Variants in TSHZ2 observed in about 807,000 individuals in gnomAD.
The protein encoded by TSHZ2 is teashirt homolog 2.
In TSHZ2, 21 loss-of-function variants were observed where a neutral mutation model predicts 74.4. That is an observed-to-expected ratio of 0.28 (90% CI 0.20 to 0.41). TSHZ2 has a LOEUF of 0.41. TSHZ2 is among the 10% of genes least tolerant of loss of function. TSHZ2 has a pLI of 1.00. For missense variants in TSHZ2, 1,244 were observed against 1,293.5 expected, an observed-to-expected ratio of 0.96 and a Z score of 0.59; for synonymous variants, 540 against 515.3, an observed-to-expected ratio of 1.05 and a Z score of -0.65.
chr20:53,319,475 G>A (rs529987078), intron 2 of TSHZ2, among the ~76,000 whole-genome samples: 20 of 152,334 alleles, frequency 1.3e-4, no homozygotes, highest in African/African-American at 3.4e-4. Flanking sequence ...GAGTCTGGCC[G>A]TTAACCACTA....
At chr20:53,386,592 G>T (rs1415202610) in intron 2 of TSHZ2, among the ~76,000 whole-genome samples, 1 of 152,204 alleles carries the variant, frequency 6.6e-6, no homozygotes, top group African/African-American at 2.4e-5. Flanking sequence ...ATGTTTCACT[G>T]CTGCAGGTTG....
intron 2 of TSHZ2, among the ~76,000 whole-genome samples, chr20:53,300,737 C>A (rs1481526759): frequency 6.6e-6 from 1 of 152,070 alleles, no homozygotes; most frequent in African/African-American, 2.4e-5. Flanking sequence ...ACTCCAGTTT[C>A]AAATATGTTT....
intron 1 of TSHZ2, among the ~76,000 whole-genome samples, chr20:52,977,280 G>A (rs1264606884): frequency 6.6e-6 from 1 of 152,044 alleles, no homozygotes; most frequent in African/African-American, 2.4e-5. Context: ...CTAGGAATCG[G>A]GTAGATTTGG....
intron 1 of TSHZ2, among the ~76,000 whole-genome samples, chr20:53,077,825 C>T (rs1985414487): frequency 6.6e-6 from 1 of 152,200 alleles, no homozygotes. Context: ...AACAAATTTC[C>T]TGATAGTCAC....
intron 2 of TSHZ2, among the ~76,000 whole-genome samples, chr20:53,370,306 C>G (rs552989790): frequency 2.6e-5 from 4 of 152,178 alleles, no homozygotes; most frequent in Non-Finnish European, 5.9e-5. Context: ...TGGGGAGCTG[C>G]TCTGGGCAGG....
At chr20:53,336,388 T>C (rs1463082838) in intron 2 of TSHZ2, among the ~76,000 whole-genome samples, 1 of 152,218 alleles carries the variant, frequency 6.6e-6, no homozygotes, top group Non-Finnish European at 1.5e-5. Flanking sequence ...CTGTAGCTAG[T>C]ATATTTTATT....
intron 1 of TSHZ2, among the ~76,000 whole-genome samples, chr20:53,021,820 G>A (rs1983257812): frequency 6.6e-6 from 1 of 152,166 alleles, no homozygotes; most frequent in Admixed American, 6.5e-5. Flanking sequence ...TAACACTGAT[G>A]TATCCAGATA....
chr20:53,389,842 G>A (rs1300203334), intron 2 of TSHZ2, among the ~76,000 whole-genome samples: 1 of 152,206 alleles, frequency 6.6e-6, no homozygotes, highest in East Asian at 1.9e-4. Context: ...CAATGCCTGG[G>A]ACTATCCCCG....
At chr20:53,056,983 G>A (rs1305129898) in intron 1 of TSHZ2, among the ~76,000 whole-genome samples, 1 of 152,144 alleles carries the variant, frequency 6.6e-6, no homozygotes, top group East Asian at 1.9e-4. Flanking sequence ...GTCGTGGGAG[G>A]GACCTGGTGG....
chr20:53,031,205 G>T (rs2123062844), intron 1 of TSHZ2, among the ~76,000 whole-genome samples: 1 of 152,240 alleles, frequency 6.6e-6, no homozygotes, highest in East Asian at 1.9e-4. Context: ...CACATAAAGG[G>T]CTTGCTTAAT....
chr20:53,255,399 G>C lies in TSHZ2; in HGVS notation c.1941G>C (p.Glu647Asp). The C allele has an allele frequency of 6.2e-7, 1 of 1,613,832 alleles. No homozygotes were observed. The highest frequency in any genetic ancestry group is 8.5e-7 in the Non-Finnish European group (1 of 1,180,018). Reference protein sequence around the residue: ...SETPPEAKKTELGPLKEEEKL... With the variant: ...SETPPEAKKTDLGPLKEEEKL... The stretch of plus-strand genomic sequence containing the variant: ...CACCTCCAGAAGCCAAAAAGACCGA[G>C]CTGGGTCCCCTGAAGGAGGAGGAGA... The change falls in exon 2 of 3, where the codon GAG becomes GAC. Residue 647 changes from glutamate (E) to aspartate (D), a missense_variant. By Grantham distance (45) the Glu-to-Asp change is conservative. This residue lies in a region of TSHZ2 where 562 missense variants were observed against 544.0 expected (regional missense o/e 1.03). Coordinates refer to ENST00000371497, the MANE Select transcript of TSHZ2 (RefSeq NM_173485.6). The surrounding 1 kb of genome is among the most constrained non-coding windows in gnomAD (Gnocchi z 4.1).
At chr20:53,223,789 G>A (rs2123649287) in intron 1 of TSHZ2, among the ~76,000 whole-genome samples, 1 of 152,176 alleles carries the variant, frequency 6.6e-6, no homozygotes, top group Non-Finnish European at 1.5e-5. Context: ...GGTAGCTGTG[G>A]CCATAAAGAG....
intron 2 of TSHZ2, among the ~76,000 whole-genome samples, chr20:53,449,140 T>C (rs147045532): frequency 6.6e-6 from 1 of 152,280 alleles, no homozygotes; most frequent in East Asian, 1.9e-4. Flanking sequence ...TCACTCCAGA[T>C]TACCCTTTTA....
chr20:53,361,824 T>C (rs1273271594), intron 2 of TSHZ2, among the ~76,000 whole-genome samples: 3 of 152,178 alleles, frequency 2.0e-5, no homozygotes, highest in Admixed American at 1.3e-4. Context: ...AGGTGAAACA[T>C]TGGTTTCTAA....
rs1278787972 is a variant in TSHZ2, at chr20:53,493,910, A to C, written c.*6775A>C. ...CTGAATATTAGCTTTCAATGCAGTCACTATTTGACATTTCCAAAGGCTTTG... is the reference window on the plus strand; with the variant it reads ...CTGAATATTAGCTTTCAATGCAGTCCCTATTTGACATTTCCAAAGGCTTTG... On this transcript the variant is annotated 3_prime_UTR_variant, in exon 3 of 3. Transcript: ENST00000371497. The C allele has an allele frequency of 1.3e-5, 2 of 152,194 alleles. No homozygotes were observed. Among genetic ancestry groups the C allele is most frequent in the Non-Finnish European group, 2.9e-5 (2 of 68,042 alleles). The allele number at this position is 152,194 out of a possible 1,614,324, so 9.4% of individuals were successfully genotyped here.
At chr20:53,332,310 A>G (rs1484935798) in intron 2 of TSHZ2, among the ~76,000 whole-genome samples, 1 of 152,204 alleles carries the variant, frequency 6.6e-6, no homozygotes, top group Admixed American at 6.5e-5. Context: ...AGGCTTGGGC[A>G]TTAGCTATGG....
intron 1 of TSHZ2, among the ~76,000 whole-genome samples, chr20:53,052,916 G>A (rs950741277): frequency 6.6e-6 from 1 of 152,186 alleles, no homozygotes; most frequent in Non-Finnish European, 1.5e-5. Flanking sequence ...ACTTCTTAAA[G>A]TATAAAATTC....
At chr20:53,183,425 A>AT (rs1219168334) in intron 1 of TSHZ2, among the ~76,000 whole-genome samples, 52 of 152,208 alleles carry the variant, frequency 3.4e-4, no homozygotes, top group African/African-American at 1.2e-3. Flanking sequence ...TGCCTGCGGT[A>AT]TTTACAGTAA....
intron 1 of TSHZ2, among the ~76,000 whole-genome samples, chr20:52,992,489 C>T (rs1982029775): frequency 6.6e-6 from 1 of 152,062 alleles, no homozygotes; most frequent in African/African-American, 2.4e-5. Flanking sequence ...CTGTGGATCC[C>T]ATAGGAGCCC....
Sources: gnomAD v4.1 joint callset for allele counts (sites outside exome capture counted in the v4.1 genomes callset) on GRCh38, gnomAD v4.1.1 for gene constraint, gnomAD v4.1.1 regional missense constraint, Gnocchi (gnomAD v3.1) non-coding constraint, MANE v1.5 for transcripts, NCBI Gene and HGNC (gene_info 2026-07-23, HGNC 2026-07-21) for gene names.